CAMTA2: variants seen among roughly 807,000 people sequenced by gnomAD.
The protein encoded by CAMTA2 is calmodulin-binding transcription activator 2.
In CAMTA2, 56 loss-of-function variants were observed where a neutral mutation model predicts 135.7. That is an observed-to-expected ratio of 0.41 (90% CI 0.33 to 0.52). The LOEUF (loss-of-function observed/expected upper bound fraction) is 0.52. Among genes scored for constraint, CAMTA2 ranks in the 20% least tolerant of loss-of-function variants. The pLI, the probability that CAMTA2 is intolerant of heterozygous loss-of-function variation, is 0.16. For synonymous variants in CAMTA2, 591 were observed against 604.6 expected (o/e 0.98, Z 0.33); for missense variants, 1,358 against 1,553.4 (o/e 0.87, Z 2.11).
At chr17:4,986,374 G>A (rs1229113630) in intron 1 of CAMTA2, 88 bp from the exon 2 acceptor site, 4 of 621,388 alleles carry the variant, frequency 6.4e-6, no homozygotes, top group Admixed American at 5.9e-5. Flanking sequence ...TATAGAACTG[G>A]GTCATAGTAT....
intron 9 of CAMTA2, among the ~76,000 whole-genome samples, chr17:4,978,875 C>G (rs1477487779): frequency 1.3e-5 from 2 of 152,148 alleles, no homozygotes; most frequent in East Asian, 1.9e-4. Flanking sequence ...GGGCCTCCCC[C>G]AAAGCTACCA....
intron 16 of CAMTA2, among the ~76,000 whole-genome samples, chr17:4,971,029 C>A (rs1972251176): frequency 6.6e-6 from 1 of 152,238 alleles, no homozygotes; most frequent in South Asian, 2.1e-4. Flanking sequence ...ACACAACCTA[C>A]TTGTGGAGTT....
Position 4,968,106 on chromosome 17 carries a change from G to A in CAMTA2, c.*650C>T, listed in dbSNP as rs1158683501. Reference sequence around the variant, plus strand: ...CGCCGCGCTAGAGAACCACAAGCCCGGCCGTGCAGCCCTCCCCGCGGCGCC... The same window carrying A: ...CGCCGCGCTAGAGAACCACAAGCCCAGCCGTGCAGCCCTCCCCGCGGCGCC... On this transcript the variant is annotated 3_prime_UTR_variant, in exon 23 of 23. Transcript: ENST00000348066. 4.2e-6 allele frequency: 2 copies of A among 476,256 alleles called. No individual in the cohort carries two copies. Among genetic ancestry groups the A allele is most frequent in the Admixed American group, 7.7e-5 (2 of 25,954 alleles). The allele number at this position is 476,256 out of a possible 1,614,324, so 29.5% of individuals were successfully genotyped here.
chr17:4,973,442 A>G (rs1972427830), intron 13 of CAMTA2, 143 bp downstream of exon 13: 4 of 926,198 alleles, frequency 4.3e-6, no homozygotes, highest in African/African-American at 3.3e-5. Context: ...TCCCCAAAAT[A>G]TAAGTCCTCT....
At chr17:4,985,343 A>C (rs918645115) in intron 3 of CAMTA2, among the ~76,000 whole-genome samples, 12 of 152,252 alleles carry the variant, frequency 7.9e-5, no homozygotes, top group African/African-American at 2.7e-4. Context: ...CCAGTATGTA[A>C]GGAATACTTT....
In CAMTA2 at chr17:4,972,345, C is replaced by T. The variant is rs1266792016; in HGVS notation, c.2695G>A (p.Glu899Lys). Residue 899 changes from glutamate to lysine, a missense_variant, in exon 16 of 23, where the codon GAG becomes AAG. Physicochemically the swap from Glu to Lys is moderately conservative, Grantham distance 56 (BLOSUM62 1). Around this residue, in one of 4 missense-constraint regions of CAMTA2, gnomAD observed 1,077 missense variants for 1,127.5 expected, o/e 0.96. Coordinates refer to ENST00000348066, the MANE Select transcript of CAMTA2 (RefSeq NM_015099.4). ...AGGGGCCCCTTGGAGTTGGTAGCCT[C>T]ATAGTCCATGAGGAGTAGGGGGGCT... ...PEAPLLLMDYEATNSKGPLSS... is the reference protein window; with the variant it reads ...PEAPLLLMDYKATNSKGPLSS... 1 of 1,613,702 alleles carries T rather than the reference C, an allele frequency of 6.2e-7. No individual in the cohort carries two copies. Among genetic ancestry groups the T allele is most frequent in the Non-Finnish European group, 8.5e-7 (1 of 1,179,776 alleles).
intron 3 of CAMTA2, among the ~76,000 whole-genome samples, chr17:4,984,418 C>A (rs957435593): frequency 2.0e-5 from 3 of 152,236 alleles, no homozygotes; most frequent in African/African-American, 7.2e-5. Context: ...TAGTGCCCTA[C>A]AAGGCAGGTA....
chr17:4,986,965 C>G (rs1281915982), intron 1 of CAMTA2: 1 of 1,508,624 alleles, frequency 6.6e-7, no homozygotes. Flanking sequence ...CCATCTACCG[C>G]TCTGGCTCCA....
Position 4,979,742 on chromosome 17 carries a change from TG to T in CAMTA2, c.1579del (p.Gln527SerfsTer66). The T allele has an allele frequency of 6.2e-7, 1 of 1,614,024 alleles. No homozygotes were observed. Among genetic ancestry groups the T allele is most frequent in the Non-Finnish European group, 8.5e-7 (1 of 1,179,968 alleles). On this transcript the variant is annotated frameshift_variant, in exon 9 of 23. Transcript: ENST00000348066. LOFTEE classifies it high-confidence loss of function. ...EAPSIPAPTP[Q>X]LSPALSTITD... Reference sequence around the variant, plus strand: ...GATGGTGCTAAGAGCAGGAGACAGCTGGGGGGTCGGAGCAGGGATGCTTGGA... The same window carrying T: ...GATGGTGCTAAGAGCAGGAGACAGCTGGGGGTCGGAGCAGGGATGCTTGGA...
At position 4,975,280 on chromosome 17, in the gene CAMTA2, G is replaced by C. The variant is rs540138954; in HGVS notation, c.1901-780C>G. ...AAGGTACACAGGTGATAGGAGGACA[G>C]AGAATGATGAACAGAAACCCAAGGA... is the stretch of plus-strand genomic sequence containing the variant. On this transcript the variant is annotated intron_variant, in intron 11 of 22. Transcript: ENST00000348066. Among the ~76,000 whole-genome samples, 40 of 152,222 alleles carry C rather than the reference G, an allele frequency of 2.6e-4. 2 individuals are homozygous for C. In the South Asian group the frequency reaches 7.3e-3, roughly 28 times the overall value.
Position 4,985,904 on chromosome 17 carries a change from C to G in CAMTA2, c.111G>C (p.Glu37Asp). Residue 37 changes from glutamate to aspartate, a missense_variant, in exon 3 of 23, where the codon GAG becomes GAC. By Grantham distance (45) the Glu-to-Asp change is conservative (BLOSUM62 2). This residue lies in a region of CAMTA2 where 105 missense variants were observed against 190.9 expected (regional missense o/e 0.55). Transcript: ENST00000348066. ...CCTCATTTGTATTCCACCGTAGCCT[C>G]TCTGGAGGCAGCAGCGGGCAGCGAG... ...CLPRCPLLPPERLRWNTNEEI... is the reference protein window; with the variant it reads ...CLPRCPLLPPDRLRWNTNEEI... 1 of 1,613,862 alleles carries G rather than the reference C, an allele frequency of 6.2e-7. No homozygotes were observed. Among genetic ancestry groups the G allele is most frequent in the Non-Finnish European group, 8.5e-7 (1 of 1,179,762 alleles).
chr17:4,970,440 T>C lies in CAMTA2; in HGVS notation c.2905A>G (p.Met969Val), dbSNP rs757802028. ...FVGLPEAGAS[M>V]RERTGAVGLS... ...CCCACAGCCCCTGTCCGCTCCCGCA[T>C]TGAGGCTCCAGCCTCGGGCAGCCCC... The change falls in exon 17 of 23, where the codon ATG becomes GTG. Residue 969 changes from methionine (M) to valine (V), a missense_variant. Transcript: ENST00000348066. 14 of 1,613,994 alleles carry C rather than the reference T, an allele frequency of 8.7e-6. No individual in the cohort carries two copies. Among genetic ancestry groups the C allele is most frequent in the South Asian group, 4.4e-5 (4 of 91,092 alleles).
In CAMTA2 at chr17:4,969,187, G is replaced by A. The variant is rs1016543365; in HGVS notation, c.3433C>T (p.Pro1145Ser). The change falls in exon 21 of 23, where the codon CCC becomes TCC. Residue 1145 changes from proline to serine, a missense_variant. Transcript: ENST00000348066. The surrounding 1 kb of genome is among the most constrained non-coding windows in gnomAD (Gnocchi z 5.6). ...YRSYRRRPGP[P>S]HRTSATLPAR... ...GGCAGGGTGGCCGAAGTCCGGTGGGGAGGGCCGGGCCTGCGGCGGTAGGAG... is the reference window on the plus strand; with the variant it reads ...GGCAGGGTGGCCGAAGTCCGGTGGGAAGGGCCGGGCCTGCGGCGGTAGGAG... 8 of 1,611,110 alleles carry A rather than the reference G, an allele frequency of 5.0e-6. No individual in the cohort carries two copies. Among genetic ancestry groups the A allele is most frequent in the Non-Finnish European group, 5.1e-6 (6 of 1,179,626 alleles).
chr17:4,971,911 A>G (rs142604883), intron 16 of CAMTA2, among the ~76,000 whole-genome samples: 227 of 149,830 alleles, frequency 1.5e-3, no homozygotes, highest in African/African-American at 5.4e-3. Context: ...CTGGTCTCAA[A>G]CTCCTGGCCT....
chr17:4,974,277 G>A (rs1176948570), intron 12 of CAMTA2, 108 bp downstream of exon 12: 3 of 715,536 alleles, frequency 4.2e-6, no homozygotes, highest in African/African-American at 3.5e-5. Flanking sequence ...ACAGGCTGAG[G>A]AGGCTGGGGA....
chr17:4,974,463 C>T lies in CAMTA2; in HGVS notation c.1938G>A (p.Glu646=), dbSNP rs1297600687. Residue 646 remains glutamate, a synonymous_variant, in exon 12 of 23, where the codon GAG becomes GAA. Transcript: ENST00000348066. ...QFRMSILERL[E]QMEKRMAEIA... ...TCTCTGCCATCCGCTTCTCCATCTG[C>T]TCCAGTCGCTCTAGTATGGACATCC... The T allele has an allele frequency of 6.2e-7, 1 of 1,613,898 alleles. No individual in the cohort carries two copies. The highest frequency in any genetic ancestry group is 8.5e-7 in the Non-Finnish European group (1 of 1,179,904).
At chr17:4,974,148 C>T in intron 12 of CAMTA2, 4 of 556,356 alleles carry the variant, frequency 7.2e-6, no homozygotes, top group South Asian at 4.1e-5. Context: ...CTCTCCTTCA[C>T]CTCCACCCTT....
At chr17:4,971,906 C>A (rs1464700544) in intron 16 of CAMTA2, among the ~76,000 whole-genome samples, 1 of 152,108 alleles carries the variant, frequency 6.6e-6, no homozygotes, top group Non-Finnish European at 1.5e-5. Context: ...CCAGGCTGGT[C>A]TCAAACTCCT....
In CAMTA2 at chr17:4,969,664, GCTGCTGCTACCTC is replaced by G. The variant is rs1368451172; in HGVS notation, c.3214_3226del (p.Glu1072LeufsTer2). On this transcript the variant is annotated frameshift_variant, in exon 19 of 23. Transcript: ENST00000348066. LOFTEE classifies it high-confidence loss of function. This position sits in a 1 kb window ranked among gnomAD's most constrained non-coding sequence, Gnocchi z 5.6. ...CTTCCGGTAACAGCGCTGGATTACA[GCTGCTGCTACCTC>G]CTGCTGCTCCTTCAGCCGCCGGCCC... is the stretch of plus-strand genomic sequence containing the variant. 3 of 1,614,058 alleles carry G rather than the reference GCTGCTGCTACCTC, an allele frequency of 1.9e-6. No homozygotes were observed. The highest frequency in any genetic ancestry group is 2.5e-6 in the Non-Finnish European group (3 of 1,180,030).
Sources: allele counts gnomAD v4.1 joint callset (sites outside exome capture counted in the v4.1 genomes callset), GRCh38; gene constraint gnomAD v4.1.1; regional missense constraint gnomAD v4.1.1; non-coding constraint Gnocchi (gnomAD v3.1); transcripts MANE v1.5; gene names NCBI Gene and HGNC (gene_info 2026-07-23, HGNC 2026-07-21).